Variants in MIB2 observed in about 807,000 individuals in gnomAD.
MIB2 encodes E3 ubiquitin-protein ligase MIB2.
MIB2 carries 78 observed loss-of-function variants against 96.6 expected under a neutral mutation model. The observed-to-expected ratio is 0.81, with a 90% CI of 0.67 to 0.97. The LOEUF is 0.97. MIB2 is among the 50% of genes least tolerant of loss of function. MIB2 has a pLI of 0.00. For missense variants in MIB2, 1,543 were observed against 1,424.0 expected, an observed-to-expected ratio of 1.08 and a Z score of -1.35; for synonymous variants, 820 against 629.5, an observed-to-expected ratio of 1.30 and a Z score of -4.53.
chr1:1,621,787 C>T (rs1644279136), intron 2 of MIB2, among the ~76,000 whole-genome samples: 1 of 152,238 alleles, frequency 6.6e-6, no homozygotes, highest in African/African-American at 2.4e-5. Context: ...CAACTCGCAG[C>T]CGGGGCACGG....
intron 1 of MIB2, 129 bp from the exon 2 acceptor site, chr1:1,616,379 C>T (rs983354627): frequency 1.0e-5 from 7 of 677,580 alleles, no homozygotes; most frequent in African/African-American, 1.9e-5. Context: ...GGGCAGGCGG[C>T]GGCCCTGAGT....
intron 16 of MIB2, 72 bp from the exon 17 acceptor site, chr1:1,629,061 C>G: frequency 1.2e-5 from 16 of 1,348,722 alleles, no homozygotes; most frequent in Non-Finnish European, 1.4e-5. Context: ...CTGGGGCTGC[C>G]AGGTGCCAGG....
Position 1,629,537 on chromosome 1 carries a change from C to A in MIB2, c.2534C>A (p.Ser845Ter). 6.5e-7 allele frequency: 1 copy of A among 1,546,348 alleles called. No individual in the cohort carries two copies. The highest frequency in any genetic ancestry group is 8.7e-7 in the Non-Finnish European group (1 of 1,149,916). Residue 845 changes from serine (S) to a stop codon, truncating the protein, a stop_gained, in exon 18 of 20, where the codon TCG (serine) becomes TAG (stop). Coordinates refer to ENST00000355826, the MANE Select transcript of MIB2 (RefSeq NM_001170687.4). LOFTEE classifies it high-confidence loss of function. Reference sequence around the variant, plus strand: ...GAGCTGGCGCTGCTGGTGCTGTTCTCGCCGTGCCAGCACCGCACCGTGTGT... The same window carrying A: ...GAGCTGGCGCTGCTGGTGCTGTTCTAGCCGTGCCAGCACCGCACCGTGTGT... The part of the protein sequence containing the change: ...CSELALLVLF[S>*]PCQHRTVCEE...
At chr1:1,624,314 G>T in intron 4 of MIB2, 1 of 344,208 alleles carries the variant, frequency 2.9e-6, no homozygotes, top group Non-Finnish European at 5.1e-6. Context: ...GTGCCACCCC[G>T]TCCCCTGCAT....
At chr1:1,627,504 TGGGAGGGGCCC>T (rs1045695040) in intron 12 of MIB2, 60 bp downstream of exon 12, 139 of 1,522,502 alleles carry the variant, frequency 9.1e-5, no homozygotes, top group Non-Finnish European at 1.2e-4. Flanking sequence ...GGGTGAGGCC[TGGGAGGGGCCC>T]GGCCGGCGGG....
At chr1:1,613,828 T>G (rs746093272), upstream of MIB2, 1 of 151,966 alleles carries the variant, frequency 6.6e-6, no homozygotes, top group Non-Finnish European at 1.5e-5. Context: ...ACAAAGTGAG[T>G]CTCAAGGATG....
intron 2 of MIB2, chr1:1,616,858 G>A (rs923782382): frequency 1.4e-5 from 6 of 443,118 alleles, no homozygotes; most frequent in African/African-American, 6.3e-5. Flanking sequence ...GCGCAGGAGC[G>A]CCGGCAAGCC....
rs577574650 is a variant in MIB2 at position 1,620,705 on chromosome 1, C to T, written c.-22-2726C>T. ...TGGAGTGGGGGAGCTCAGCCCAGGCCATGCCTCACCCTTCTTGGGTGCTCC... is the reference window on the plus strand; with the variant it reads ...TGGAGTGGGGGAGCTCAGCCCAGGCTATGCCTCACCCTTCTTGGGTGCTCC... On this transcript the variant is annotated intron_variant, in intron 2 of 19. Transcript: ENST00000355826. 2.5e-3 allele frequency among the ~76,000 whole-genome samples: 376 copies of T among 152,384 alleles called. 1 individual carries two copies. Among genetic ancestry groups the T allele is most frequent in the Middle Eastern group, 0.01 (3 of 294 alleles).
At chr1:1,616,927 C>T (rs890783498) in intron 2 of MIB2, 1 of 315,474 alleles carries the variant, frequency 3.2e-6, no homozygotes, top group East Asian at 9.7e-5. Context: ...GCCTCACATG[C>T]AACAAGTGTC....
At position 1,627,025 on chromosome 1, in the gene MIB2, G is replaced by A. The variant is rs772513617; in HGVS notation, c.1240+26G>A. The A allele has an allele frequency of 1.1e-5, 17 of 1,606,810 alleles. No homozygotes were observed. In the East Asian group the frequency reaches 1.3e-4, roughly 13 times the overall value. On this transcript the variant is annotated intron_variant, in intron 10 of 19. Coordinates refer to ENST00000355826, the MANE Select transcript of MIB2 (RefSeq NM_001170687.4). The stretch of plus-strand genomic sequence containing the variant: ...GTGCGGCACAGCTCAGGCGGCCAGT[G>A]GGAGGTGGGGCTGCCCCTGGCCACC...
chr1:1,615,464 C>A, upstream of MIB2: 1 of 1,516,666 alleles, frequency 6.6e-7, no homozygotes, highest in Admixed American at 2.0e-5. Context: ...GTGGCCATGG[C>A]GGGGGCGCTC....
chr1:1,623,627 G>T lies in MIB2; in HGVS notation c.175G>T (p.Gly59Cys). The change falls in exon 3 of 20, where the codon GGC becomes TGC. Residue 59 changes from glycine (G) to cysteine (C), a missense_variant. Physicochemically the swap from Gly to Cys is radical, Grantham distance 159. Transcript: ENST00000355826. ...CACAGTGGTCGTGCAGTGGGACCAG[G>T]GCACGCGCACCAACTACCGCGCCGG... ...DRTVVVQWDQ[G>C]TRTNYRAGYQ... 1 of 1,483,404 alleles carries T rather than the reference G, an allele frequency of 6.7e-7. No individual in the cohort carries two copies. The allele number at this position is 1,483,404 out of a possible 1,614,324, so 91.9% of individuals were successfully genotyped here.
In MIB2 at chr1:1,628,330, C is replaced by G. The variant is rs752478182; in HGVS notation, c.1899C>G (p.Asp633Glu). ...AGCTGGTGGACGCCAAGAAGGAGGA[C>G]GGCTTCACGGCGCTGCATCTGGCTG... is the stretch of plus-strand genomic sequence containing the variant. The part of the protein sequence containing the change: ...ARQLVDAKKE[D>E]GFTALHLAAL... Residue 633 changes from aspartate (D) to glutamate (E), a missense_variant, in exon 15 of 20, where the codon GAC (aspartate) becomes GAG (glutamate). Transcript: ENST00000355826. 1.9e-6 allele frequency: 3 copies of G among 1,612,860 alleles called. No individual in the cohort carries two copies. Among genetic ancestry groups the G allele is most frequent in the South Asian group, 1.1e-5 (1 of 91,084 alleles).
rs887968034 is a variant in MIB2, at chr1:1,623,672, C to T, written c.220C>T (p.Leu74=). 3 of 1,490,732 alleles carry T rather than the reference C, an allele frequency of 2.0e-6. No homozygotes were observed. The highest frequency in any genetic ancestry group is 2.7e-6 in the Non-Finnish European group (3 of 1,116,556). The allele number at this position is 1,490,732 out of a possible 1,614,324, so 92.3% of individuals were successfully genotyped here. Residue 74 remains leucine, a synonymous_variant, in exon 3 of 20, where the codon CTG becomes TTG. Coordinates refer to ENST00000355826, the MANE Select transcript of MIB2 (RefSeq NM_001170687.4). ...YRAGYQGAHD[L]LLYDNAQIGV... is the part of the protein sequence containing the mutation. Reference sequence around the variant, plus strand: ...CGCCGGCTACCAGGGCGCGCACGACCTGCTGCTGTACGACAACGCCCAGAT... The same window carrying T: ...CGCCGGCTACCAGGGCGCGCACGACTTGCTGCTGTACGACAACGCCCAGAT...
rs773884992 is a variant in MIB2 at position 1,615,506 on chromosome 1, C to A, written c.-257C>A. ...GGGCGGGCCCTGGGCTCCCGCCCTT[C>A]GGGTCCCACAGTTTCCAGCCGCCGC... is the stretch of plus-strand genomic sequence containing the variant. On this transcript the variant is annotated 5_prime_UTR_variant, in exon 1 of 20. Coordinates refer to ENST00000355826, the MANE Select transcript of MIB2 (RefSeq NM_001170687.4). 6.5e-7 allele frequency: 1 copy of A among 1,528,380 alleles called. No individual in the cohort carries two copies. The highest frequency in any genetic ancestry group is 8.7e-7 in the Non-Finnish European group (1 of 1,144,388). The allele number at this position is 1,528,380 out of a possible 1,614,324, so 94.7% of individuals were successfully genotyped here.
At chr1:1,623,750 C>T (rs756540522) in intron 3 of MIB2, 24 bp from the exon 4 acceptor site, 10 of 1,562,148 alleles carry the variant, frequency 6.4e-6, no homozygotes, top group South Asian at 3.6e-5. Flanking sequence ...CGGGAACGCC[C>T]CTCTGACCCC....
intron 1 of MIB2, 41 bp from the exon 2 acceptor site, chr1:1,616,467 A>G (rs781178356): frequency 1.4e-6 from 2 of 1,389,902 alleles, no homozygotes; most frequent in East Asian, 5.5e-5. Flanking sequence ...CCGCGGGTCG[A>G]GGTGCTAACT....
intron 2 of MIB2, chr1:1,617,441 C>T (rs1435468124): frequency 6.6e-6 from 1 of 152,256 alleles, no homozygotes; most frequent in Non-Finnish European, 1.5e-5. Context: ...CCTCTGAGAG[C>T]TTGCAGTTTC....
In MIB2 at chr1:1,627,348, GC is replaced by G. The variant is rs1644886277; in HGVS notation, c.1429del (p.Gln477ArgfsTer4). 1.2e-6 allele frequency: 2 copies of G among 1,613,018 alleles called. No homozygotes were observed. On this transcript the variant is annotated frameshift_variant, in exon 12 of 20. Coordinates refer to ENST00000355826, the MANE Select transcript of MIB2 (RefSeq NM_001170687.4). LOFTEE classifies it high-confidence loss of function. ...GCTCTGCAAGTGGCTGCCTACCTGGGCCAGGTGGAGTTGATACGGCTGCTGC... is the reference window on the plus strand; with the variant it reads ...GCTCTGCAAGTGGCTGCCTACCTGGGCAGGTGGAGTTGATACGGCTGCTGC... ...RTALQVAAYL[G>X]QVELIRLLLQ... is the part of the protein sequence containing the mutation.
Sources: allele counts gnomAD v4.1 joint callset (sites outside exome capture counted in the v4.1 genomes callset), GRCh38; gene constraint gnomAD v4.1.1; transcripts MANE v1.5; gene names NCBI Gene and HGNC (gene_info 2026-07-23, HGNC 2026-07-21).